TFB1M: variants seen among roughly 807,000 people sequenced by gnomAD.
The protein encoded by TFB1M is dimethyladenosine transferase 1, mitochondrial.
Under a neutral mutation model 31.1 loss-of-function variants are expected in TFB1M, and 27 were observed. That is an observed-to-expected ratio of 0.87 (90% CI 0.64 to 1.20). TFB1M has a LOEUF of 1.20. Among genes scored for constraint, TFB1M ranks in the 50% most tolerant of loss-of-function variants. The probability of loss-of-function intolerance (pLI) is 0.00; values close to 1 mark genes in which losing one functional copy is unlikely to be tolerated. For synonymous variants in TFB1M, 166 were observed against 151.8 expected (o/e 1.09, Z -0.69); for missense variants, 394 against 418.7 (o/e 0.94, Z 0.51).
intron 4 of TFB1M, among the ~76,000 whole-genome samples, chr6:155,290,182 C>T (rs1456672764): frequency 1.3e-5 from 2 of 151,380 alleles, no homozygotes; most frequent in East Asian, 1.9e-4. Flanking sequence ...GTCAGGAGAT[C>T]GAGACCATCC....
Position 155,256,600 on chromosome 6 carries a change from A to G in TFB1M, c.*1236T>C. 1 of 1,614,164 alleles carries G rather than the reference A, an allele frequency of 6.2e-7. No homozygotes were observed. The highest frequency in any genetic ancestry group is 1.1e-5 in the South Asian group (1 of 91,082). ...GGGCAGCTTGAGCAGCGGCACCCAG[A>G]GCAGCGGCTGCCCCACGGCTGAGGG... is the stretch of plus-strand genomic sequence containing the variant. On this transcript the variant is annotated 3_prime_UTR_variant, in exon 7 of 7. Coordinates refer to ENST00000367166, the MANE Select transcript of TFB1M (RefSeq NM_016020.4).
the TFB1M span, chr6:155,250,665 T>C: frequency 6.6e-7 from 1 of 1,514,004 alleles, no homozygotes; most frequent in South Asian, 1.2e-5. Context: ...TCACAAGGCA[T>C]GTCTCACCTA....
intron 5 of TFB1M, among the ~76,000 whole-genome samples, chr6:155,266,723 TG>T (rs1193162296): frequency 6.6e-6 from 1 of 151,736 alleles, no homozygotes; most frequent in Admixed American, 6.6e-5. Context: ...GGCGGCCGCC[TG>T]TAGTCCCCGC....
At chr6:155,244,831 A>C in the TFB1M span, 1 of 1,557,726 alleles carries the variant, frequency 6.4e-7, no homozygotes, top group Non-Finnish European at 8.7e-7. Context: ...TGGCTATGGT[A>C]CGTATTTCTC....
chr6:155,306,846 C>T (rs1319502597), intron 2 of TFB1M, among the ~76,000 whole-genome samples: 6 of 152,078 alleles, frequency 3.9e-5, no homozygotes, highest in Non-Finnish European at 8.8e-5. Flanking sequence ...GTTAACTGGA[C>T]GCGGTGGCTC....
chr6:155,281,498 G>C (rs1249042378), intron 5 of TFB1M, among the ~76,000 whole-genome samples: 6 of 152,246 alleles, frequency 3.9e-5, no homozygotes, highest in African/African-American at 1.4e-4. Context: ...GAGGCGGATG[G>C]ATCACCTGAG....
At chr6:155,240,416 G>A in the TFB1M span, 1 of 1,132,294 alleles carries the variant, frequency 8.8e-7, no homozygotes, top group Non-Finnish European at 1.2e-6. Context: ...CCTACACAGA[G>A]GCCCCTCTGA....
chr6:155,266,846 CAAAAAAAAAAA>C (rs1213939199), intron 5 of TFB1M, among the ~76,000 whole-genome samples: 4 of 62,832 alleles, frequency 6.4e-5, no homozygotes, highest in South Asian at 7.4e-4. Context: ...GACTCCGTCT[CAAAAAAAAAAA>C]AAAAAAAAAA....
In TFB1M at chr6:155,285,262, T is replaced by C; in HGVS notation, c.562A>G (p.Thr188Ala). The C allele has an allele frequency of 6.2e-7, 1 of 1,614,026 alleles. No individual in the cohort carries two copies. The highest frequency in any genetic ancestry group is 8.5e-7 in the Non-Finnish European group (1 of 1,179,898). Residue 188 changes from threonine to alanine, a missense_variant, in exon 5 of 7, where the codon ACA becomes GCA. This residue lies in a region of TFB1M where 273 missense variants were observed against 256.4 expected (regional missense o/e 1.06). Transcript: ENST00000367166. The part of the protein sequence containing the change: ...KEVAERLAAN[T>A]GSKQRSRLSV... ...AGGCGACTACGCTGTTTGCTTCCTG[T>C]ATTGGCTGCAAGTCTCTAGAGAGAG...
the TFB1M span, chr6:155,251,021 G>C: frequency 6.2e-7 from 1 of 1,613,466 alleles, no homozygotes; most frequent in East Asian, 2.2e-5. Context: ...CACAGTATTT[G>C]GTTAGTATTC....
At chr6:155,285,072 A>T in intron 5 of TFB1M, 86 bp downstream of exon 5, 1 of 1,554,172 alleles carries the variant, frequency 6.4e-7, no homozygotes, top group Non-Finnish European at 8.9e-7. Context: ...CAAAGGTTAG[A>T]TCCTAGAGGT....
At chr6:155,271,163 T>G (rs527495650) in intron 5 of TFB1M, among the ~76,000 whole-genome samples, 1 of 152,388 alleles carries the variant, frequency 6.6e-6, no homozygotes, top group African/African-American at 2.4e-5. Context: ...CTAACATGGT[T>G]ATTAACAGTT....
chr6:155,289,562 T>G (rs956912848), intron 4 of TFB1M, among the ~76,000 whole-genome samples: 2 of 152,184 alleles, frequency 1.3e-5, no homozygotes, highest in African/African-American at 4.8e-5. Context: ...TACACTTAGA[T>G]CCTGTAGTGC....
downstream of TFB1M, chr6:155,254,216 A>G (rs1186406702): frequency 2.0e-6 from 2 of 978,860 alleles, no homozygotes; most frequent in Non-Finnish European, 1.5e-6. Context: ...GTAGGAGACT[A>G]TGTTGATTAA....
At position 155,306,848 on chromosome 6, in the gene TFB1M, C is replaced by T. The variant is rs1221341598; in HGVS notation, c.285+4340G>A. ...ATGTCAAAACTCAGTTAACTGGACG[C>T]GGTGGCTCTTGCCTGTAATCCCAGC... On this transcript the variant is annotated intron_variant, in intron 2 of 6. Coordinates refer to ENST00000367166, the MANE Select transcript of TFB1M (RefSeq NM_016020.4). 7.9e-5 allele frequency among the ~76,000 whole-genome samples: 12 copies of T among 152,206 alleles called. No individual in the cohort carries two copies. In the South Asian group the frequency reaches 2.5e-3, roughly 32 times the overall value.
intron 4 of TFB1M, among the ~76,000 whole-genome samples, chr6:155,295,753 T>C (rs1219391298): frequency 1.3e-5 from 2 of 152,226 alleles, no homozygotes; most frequent in Admixed American, 6.5e-5. Flanking sequence ...GTACTGAACA[T>C]GTACAGATTT....
intron 4 of TFB1M, among the ~76,000 whole-genome samples, chr6:155,287,552 G>GTGTGTGTA (rs1776721002): frequency 6.6e-5 from 1 of 15,216 alleles, no homozygotes; most frequent in African/African-American, 3.0e-4. Context: ...TTTACTCTGA[G>GTGTGTGTA]TGTGTGTGTG....
intron 5 of TFB1M, among the ~76,000 whole-genome samples, chr6:155,262,034 C>A (rs975851120): frequency 1.3e-5 from 2 of 152,230 alleles, no homozygotes; most frequent in African/African-American, 4.8e-5. Flanking sequence ...CCTCTTCCTA[C>A]AGGACTTCCC....
At chr6:155,268,638 T>C (rs2114690594) in intron 5 of TFB1M, among the ~76,000 whole-genome samples, 1 of 152,256 alleles carries the variant, frequency 6.6e-6, no homozygotes, top group African/African-American at 2.4e-5. Context: ...AAACATGATC[T>C]GTGACCTTAC....
Sources: gnomAD v4.1 joint callset for allele counts (sites outside exome capture counted in the v4.1 genomes callset) on GRCh38, gnomAD v4.1.1 for gene constraint, gnomAD v4.1.1 regional missense constraint, MANE v1.5 for transcripts, NCBI Gene and HGNC (gene_info 2026-07-23, HGNC 2026-07-21) for gene names.